GATM: variants seen among roughly 807,000 people sequenced by gnomAD.
The protein encoded by GATM is glycine amidinotransferase, mitochondrial.
GATM carries 23 observed loss-of-function variants against 54.2 expected under a neutral mutation model. The ratio of observed to expected loss-of-function variants is 0.42; its 90% confidence interval spans 0.31 to 0.60. The LOEUF is 0.60. Ranked by LOEUF, GATM falls within the 20% of genes least tolerant of loss-of-function variation. GATM has a pLI of 0.14. For missense variants in GATM, 401 were observed against 544.9 expected, an observed-to-expected ratio of 0.74 and a Z score of 2.63; for synonymous variants, 168 against 183.1, an observed-to-expected ratio of 0.92 and a Z score of 0.67.
intron 3 of GATM, among the ~76,000 whole-genome samples, chr15:45,390,127 C>T (rs529662195): frequency 6.6e-6 from 1 of 152,306 alleles, no homozygotes; most frequent in South Asian, 2.1e-4. Flanking sequence ...GCTGGGATTA[C>T]AGGCATGAGC....
At chr15:45,364,709 C>T in intron 7 of GATM, 88 bp downstream of exon 7, 2 of 1,165,238 alleles carry the variant, frequency 1.7e-6, no homozygotes, top group South Asian at 2.5e-5. Context: ...CTCTAAGCTG[C>T]TAACATTTGG....
chr15:45,369,998 A>G (rs535070903), intron 2 of GATM, among the ~76,000 whole-genome samples: 1 of 152,290 alleles, frequency 6.6e-6, no homozygotes, highest in African/African-American at 2.4e-5. Flanking sequence ...ATAGCACCTC[A>G]AGATATTTTG....
chr15:45,362,266 C>T (rs376432134), intron 8 of GATM, 45 bp from the exon 9 acceptor site: 62 of 1,183,344 alleles, frequency 5.2e-5, no homozygotes, highest in East Asian at 2.1e-4. Flanking sequence ...ACTAACATGA[C>T]GATTCTCATA....
chr15:45,394,342 C>A (rs1167285961), intron 3 of GATM, among the ~76,000 whole-genome samples: 1 of 152,164 alleles, frequency 6.6e-6, no homozygotes, highest in Non-Finnish European at 1.5e-5. Flanking sequence ...ATCCTCCTGC[C>A]ACACCCCATC....
At chr15:45,391,845 GA>G (rs567317844) in intron 3 of GATM, among the ~76,000 whole-genome samples, 3 of 150,274 alleles carry the variant, frequency 2.0e-5, no homozygotes, top group Non-Finnish European at 3.0e-5. Context: ...TTCTGCTAAA[GA>G]AAAAAAAACA....
At chr15:45,373,036 G>A (rs1379444913) in intron 2 of GATM, among the ~76,000 whole-genome samples, 2 of 152,118 alleles carry the variant, frequency 1.3e-5, no homozygotes, top group Non-Finnish European at 2.9e-5. Context: ...CCTTTACAAA[G>A]GTTTGCCAAG....
At chr15:45,376,116 GA>G (rs1460237309) in intron 2 of GATM, among the ~76,000 whole-genome samples, 1 of 152,186 alleles carries the variant, frequency 6.6e-6, no homozygotes, top group African/African-American at 2.4e-5. Context: ...CAGGAATGAG[GA>G]GGGATCCACT....
chr15:45,368,227 A>G lies in GATM; in HGVS notation c.518T>C (p.Ile173Thr). 6.2e-7 allele frequency: 1 copy of G among 1,614,058 alleles called. No individual in the cohort carries two copies. Among genetic ancestry groups the G allele is most frequent in the Non-Finnish European group, 8.5e-7 (1 of 1,180,022 alleles). ...LYSAMPRDIL[I>T]VVGNEIIEAP... ...CTCGATAATCTCATTGCCCACAACT[A>G]TCAGGATGTCTCGAGGCATTGCACT... is the stretch of plus-strand genomic sequence containing the variant. The change falls in exon 4 of 9, where the codon ATA (isoleucine) becomes ACA (threonine). Residue 173 changes from isoleucine (I) to threonine (T), a missense_variant. This residue lies in a region of GATM where 321 missense variants were observed against 457.5 expected (regional missense o/e 0.70). Transcript: ENST00000396659. This position sits in a 1 kb window ranked among gnomAD's most constrained non-coding sequence, Gnocchi z 5.1.
At chr15:45,380,122 T>TGGG (rs1889717621), upstream of GATM, 1 of 39,550 alleles carries the variant, frequency 2.5e-5, no homozygotes, top group Non-Finnish European at 4.5e-5. Context: ...AGACTCCGTC[T>TGGG]CAAAAAAAAA....
intron 8 of GATM, among the ~76,000 whole-genome samples, chr15:45,363,473 C>T (rs1195802531): frequency 2.6e-5 from 4 of 152,140 alleles, no homozygotes; most frequent in Admixed American, 2.0e-4. Flanking sequence ...GTTAACTATG[C>T]TTATCACACA....
upstream of GATM, among the ~76,000 whole-genome samples, chr15:45,383,523 G>C (rs1889769674): frequency 6.6e-6 from 1 of 151,748 alleles, no homozygotes; most frequent in African/African-American, 2.4e-5. Flanking sequence ...TTTAAAAACA[G>C]TAAACACCAT....
intron 1 of GATM, 104 bp downstream of exon 1, chr15:45,378,281 G>A: frequency 7.0e-6 from 6 of 852,860 alleles, no homozygotes; most frequent in Non-Finnish European, 1.1e-5. Context: ...TAGGGAAAGC[G>A]AGGGAAGGTG....
At chr15:45,390,434 A>G (rs1595489682) in intron 3 of GATM, among the ~76,000 whole-genome samples, 1 of 152,354 alleles carries the variant, frequency 6.6e-6, no homozygotes, top group East Asian at 1.9e-4. Context: ...AGGAATGAAA[A>G]TTATTTTCCT....
In GATM at chr15:45,376,679, G is replaced by A. The variant is rs776673535; in HGVS notation, c.210C>T (p.Asn70=). The change falls in exon 2 of 9, where the codon AAC becomes AAT. Residue 70 remains asparagine (N), a synonymous_variant. Coordinates refer to ENST00000396659, the MANE Select transcript of GATM (RefSeq NM_001482.3). ...TCACTTCCTCTAAGGGGTCCCATTC[G>A]TTGTAAGAAGAGACAGGGCAGTCCT... ...LPKDCPVSSY[N]EWDPLEEVIV... 3.1e-6 allele frequency: 5 copies of A among 1,614,054 alleles called. No homozygotes were observed. The highest frequency in any genetic ancestry group is 1.3e-5 in the African/African-American group (1 of 74,930).
At position 45,362,174 on chromosome 15, in the gene GATM, C is replaced by G; in HGVS notation, c.1207G>C (p.Gly403Arg). The G allele has an allele frequency of 6.2e-7, 1 of 1,613,986 alleles. No homozygotes were observed. The highest frequency in any genetic ancestry group is 8.5e-7 in the Non-Finnish European group (1 of 1,179,896). ...VNIRNANSLG[G>R]GFHCWTCDVR... is the part of the protein sequence containing the mutation. ...TCGCAGGTCCAGCAATGGAAGCCTC[C>G]TCCCAGGGAATTGGCATTACGAATG... is the stretch of plus-strand genomic sequence containing the variant. The change falls in exon 9 of 9, where the codon GGA becomes CGA. Residue 403 changes from glycine to arginine, a missense_variant. By Grantham distance (125) the Gly-to-Arg change is moderately radical (BLOSUM62 -2). This residue lies in a region of GATM where 321 missense variants were observed against 457.5 expected (regional missense o/e 0.70). Transcript: ENST00000396659.
chr15:45,364,756 A>C, intron 7 of GATM, 41 bp downstream of exon 7: 1 of 1,551,922 alleles, frequency 6.4e-7, no homozygotes, highest in Non-Finnish European at 8.9e-7. Context: ...TGGTCACTAA[A>C]GTAATTATTT....
intron 3 of GATM, among the ~76,000 whole-genome samples, chr15:45,386,784 T>A (rs576174914): frequency 6.6e-5 from 10 of 152,202 alleles, no homozygotes; most frequent in Non-Finnish European, 1.5e-4. Flanking sequence ...CGAATATTCT[T>A]ACTTGTCTTG....
At position 45,376,812 on chromosome 15, in the gene GATM, C is replaced by A. The variant is rs1193533349; in HGVS notation, c.77G>T (p.Arg26Leu). The A allele has an allele frequency of 1.9e-6, 3 of 1,613,512 alleles. No homozygotes were observed. The highest frequency in any genetic ancestry group is 2.5e-6 in the Non-Finnish European group (3 of 1,179,810). ...AVHYIGSRLG[R>L]TLTGWVQRTF... ...TCGCTGCACCCATCCTGTCAAGGTT[C>A]GTCCAAGCTTCCAAGAACAAAGAAA... The change falls in exon 2 of 9, where the codon CGA becomes CTA. Residue 26 changes from arginine (R) to leucine (L), a missense_variant. Physicochemically the swap from Arg to Leu is moderately radical, Grantham distance 102 (BLOSUM62 -2). Coordinates refer to ENST00000396659, the MANE Select transcript of GATM (RefSeq NM_001482.3).
chr15:45,386,546 C>G (rs187442289), intron 3 of GATM, among the ~76,000 whole-genome samples: 2 of 152,200 alleles, frequency 1.3e-5, no homozygotes, highest in African/African-American at 4.8e-5. Context: ...TGTCCATACA[C>G]GCTGTGATCT....
Sources: gnomAD v4.1 joint callset for allele counts (sites outside exome capture counted in the v4.1 genomes callset) on GRCh38, gnomAD v4.1.1 for gene constraint, gnomAD v4.1.1 regional missense constraint, Gnocchi (gnomAD v3.1) non-coding constraint, MANE v1.5 for transcripts, NCBI Gene and HGNC (gene_info 2026-07-23, HGNC 2026-07-21) for gene names.